The following IGSF22 variants were observed in gnomAD, a reference collection of about 807,000 sequenced individuals.
IGSF22 encodes immunoglobulin superfamily member 22, also known as immunoglobulin superfamily, member 22.
IGSF22 carries 119 observed loss-of-function variants against 127.0 expected under a neutral mutation model. That is an observed-to-expected ratio of 0.94 (90% CI 0.81 to 1.09). The LOEUF (loss-of-function observed/expected upper bound fraction) is 1.09, where lower values mean the gene tolerates loss of function less well. Ranked by LOEUF, IGSF22 falls within the 50% of genes least tolerant of loss-of-function variation. The probability of loss-of-function intolerance (pLI) is 0.00; values close to 1 mark genes in which losing one functional copy is unlikely to be tolerated. For missense variants in IGSF22, 1,518 were observed against 1,716.6 expected, an observed-to-expected ratio of 0.88 and a Z score of 2.04; for synonymous variants, 568 against 664.7, an observed-to-expected ratio of 0.85 and a Z score of 2.24.
chr11:18,711,983 G>T (rs1848365409), intron 15 of IGSF22, 99 bp downstream of exon 15: 1 of 1,006,580 alleles, frequency 9.9e-7, no homozygotes, highest in South Asian at 1.7e-5. Context: ...CCAGAGAGAT[G>T]TTCCTGTGGA....
intron 15 of IGSF22, 34 bp from the exon 16 acceptor site, chr11:18,710,862 G>A: frequency 6.3e-7 from 1 of 1,582,616 alleles, no homozygotes; most frequent in East Asian, 2.3e-5. Context: ...AAGGTTAGGA[G>A]GGGGAGCATG....
intron 1 of IGSF22, among the ~76,000 whole-genome samples, chr11:18,724,706 C>T (rs1307335073): frequency 1.3e-5 from 2 of 152,134 alleles, no homozygotes; most frequent in East Asian, 1.9e-4. Flanking sequence ...ATTCCTGGGC[C>T]CTGGGGACCC....
chr11:18,718,446 C>T (rs780722470), intron 8 of IGSF22, among the ~76,000 whole-genome samples, 169 bp downstream of exon 8: 4 of 152,144 alleles, frequency 2.6e-5, no homozygotes, highest in Non-Finnish European at 4.4e-5. Context: ...CATCACACAA[C>T]AAAGGGGTGA....
intron 14 of IGSF22, among the ~76,000 whole-genome samples, chr11:18,713,401 C>T (rs1012758745): frequency 6.6e-6 from 1 of 152,160 alleles, no homozygotes; most frequent in East Asian, 1.9e-4. Context: ...GATCCACCCG[C>T]CTTGGACCCC....
chr11:18,709,774 T>A lies in IGSF22; in HGVS notation c.2702-91A>T. ...CCACACTCAATACTCCTGAACCCCA[T>A]CCTTCACTACTTCTAGCTCCAGATC... On this transcript the variant is annotated intron_variant, in intron 17 of 22. Transcript: ENST00000513874. This position sits in a 1 kb window ranked among gnomAD's most constrained non-coding sequence, Gnocchi z 4.8. 1 of 1,301,686 alleles carries A rather than the reference T, an allele frequency of 7.7e-7. No homozygotes were observed. The highest frequency in any genetic ancestry group is 1.1e-6 in the Non-Finnish European group (1 of 945,154). The allele number at this position is 1,301,686 out of a possible 1,614,324, so 80.6% of individuals were successfully genotyped here. A position where few individuals can be genotyped will look rare whatever the true frequency, so the allele number is the denominator to read the frequency against.
In IGSF22 at chr11:18,710,175, G is replaced by T. The variant is rs557928673; in HGVS notation, c.2701+152C>A. On this transcript the variant is annotated intron_variant, in intron 17 of 22. Transcript: ENST00000513874. ...AATCTTTATTTGCTGGCTTTCTCTT[G>T]TGTGTGAATCTTGTCCCTCTATGAG... 7.0e-6 allele frequency: 7 copies of T among 1,006,348 alleles called. No individual in the cohort carries two copies. In the South Asian group the frequency reaches 1.1e-4, roughly 16 times the overall value. The allele number at this position is 1,006,348 out of a possible 1,614,324, so 62.3% of individuals were successfully genotyped here. A position where few individuals can be genotyped will look rare whatever the true frequency, so the allele number is the denominator to read the frequency against.
In IGSF22 at chr11:18,709,293, C is replaced by A. The variant is rs192432561; in HGVS notation, c.2998+94G>T. On this transcript the variant is annotated intron_variant, in intron 18 of 22. Coordinates refer to ENST00000513874, the MANE Select transcript of IGSF22 (RefSeq NM_173588.4). This position sits in a 1 kb window ranked among gnomAD's most constrained non-coding sequence, Gnocchi z 4.8. ...ATGGATGACTTTTTCATGATCCTAG[C>A]ATCATCCAATTTTCCTGTGGGATGA... The A allele has an allele frequency of 1.0e-3, 1,352 of 1,326,354 alleles. 2 individuals carry two copies. Among genetic ancestry groups the A allele is most frequent in the Non-Finnish European group, 1.3e-3 (1,218 of 953,496 alleles). 82.2% of individuals were successfully genotyped at this position (1,326,354 alleles called of 1,614,324 possible). A position where few individuals can be genotyped will look rare whatever the true frequency, so the allele number is the denominator to read the frequency against.
At chr11:18,717,097 C>A in intron 9 of IGSF22, 97 bp from the exon 10 acceptor site, 1 of 1,386,842 alleles carries the variant, frequency 7.2e-7, no homozygotes. Flanking sequence ...CTCCTGTAGC[C>A]CATGGCTGGG....
intron 22 of IGSF22, 193 bp downstream of exon 22, chr11:18,705,624 G>T: frequency 3.3e-6 from 2 of 601,390 alleles, no homozygotes; most frequent in Non-Finnish European, 5.9e-6. Context: ...ATGTCTGCAG[G>T]GGCCAGGCAT....
intron 11 of IGSF22, 73 bp from the exon 12 acceptor site, chr11:18,714,697 A>T: frequency 1.9e-6 from 3 of 1,579,788 alleles, no homozygotes; most frequent in South Asian, 2.3e-5. Context: ...AAGGGCTGGT[A>T]GCGATGGTCA....
intron 11 of IGSF22, among the ~76,000 whole-genome samples, chr11:18,714,910 C>T (rs1047092724): frequency 3.3e-5 from 5 of 151,870 alleles, no homozygotes; most frequent in African/African-American, 4.8e-5. Context: ...ATTAGTGGAG[C>T]GTGGTCAGCA....
chr11:18,721,500 T>C (rs753503247), intron 4 of IGSF22, 35 bp downstream of exon 4: 1 of 1,613,914 alleles, frequency 6.2e-7, no homozygotes, highest in South Asian at 1.1e-5. Flanking sequence ...GCCTCTGGCC[T>C]TCTCGGTAAC....
chr11:18,718,175 T>A, intron 8 of IGSF22, 82 bp from the exon 9 acceptor site: 1 of 1,342,856 alleles, frequency 7.4e-7, no homozygotes, highest in Non-Finnish European at 1.0e-6. Context: ...AGCGCCAGCC[T>A]AAGCTGGAGG....
intron 3 of IGSF22, 104 bp downstream of exon 3, chr11:18,721,806 T>C: frequency 1.9e-6 from 3 of 1,586,062 alleles, no homozygotes; most frequent in Non-Finnish European, 1.7e-6. Context: ...GGCCAGGCTC[T>C]GCCAGGGTTT....
chr11:18,704,584 C>T (rs760510327), intron 22 of IGSF22, 46 bp from the exon 23 acceptor site: 3 of 1,237,266 alleles, frequency 2.4e-6, no homozygotes, highest in African/African-American at 1.5e-5. Flanking sequence ...ATGCTGGCGA[C>T]CAGGGAAATT....
rs1848423928 is a variant in IGSF22, at chr11:18,714,547, G to A, written c.1609C>T (p.Leu537=). 1 of 1,614,192 alleles carries A rather than the reference G, an allele frequency of 6.2e-7. No individual in the cohort carries two copies. The highest frequency in any genetic ancestry group is 8.5e-7 in the Non-Finnish European group (1 of 1,180,046). ...TGSPAELCVV[L]NDEKVEGVWL... The stretch of plus-strand genomic sequence containing the variant: ...ACACCCTCCACCTTCTCGTCATTCA[G>A]CACTACACACAACTCAGCTGGGCTC... Residue 537 remains leucine, a synonymous_variant, in exon 12 of 23, where the codon CTG becomes TTG. Transcript: ENST00000513874.
At chr11:18,718,306 TATGC>T (rs2134166474) in intron 8 of IGSF22, among the ~76,000 whole-genome samples, 1 of 152,288 alleles carries the variant, frequency 6.6e-6, no homozygotes, top group South Asian at 2.1e-4. Context: ...GAGCTCTTAA[TATGC>T]ATGAGTTCAT....
At chr11:18,724,698 T>C (rs967870409) in intron 1 of IGSF22, among the ~76,000 whole-genome samples, 12 of 152,188 alleles carry the variant, frequency 7.9e-5, no homozygotes, top group African/African-American at 2.7e-4. Flanking sequence ...TGTCTCTTAT[T>C]CCTGGGCCCT....
Position 18,709,313 on chromosome 11 carries a change from G to T in IGSF22, c.2998+74C>A. ...CCTAGCATCATCCAATTTTCCTGTG[G>T]GATGAGGCCCCAGAGGAGAAGGTTT... On this transcript the variant is annotated intron_variant, in intron 18 of 22. Transcript: ENST00000513874. This position sits in a 1 kb window ranked among gnomAD's most constrained non-coding sequence, Gnocchi z 4.8. 6.9e-7 allele frequency: 1 copy of T among 1,455,680 alleles called. No individual in the cohort carries two copies. Among genetic ancestry groups the T allele is most frequent in the Non-Finnish European group, 9.4e-7 (1 of 1,063,670 alleles). The allele number at this position is 1,455,680 out of a possible 1,614,324, so 90.2% of individuals were successfully genotyped here. A position where few individuals can be genotyped will look rare whatever the true frequency, so the allele number is the denominator to read the frequency against.
Sources: gnomAD v4.1 joint callset for allele counts (sites outside exome capture counted in the v4.1 genomes callset) on GRCh38, gnomAD v4.1.1 for gene constraint, Gnocchi (gnomAD v3.1) non-coding constraint, MANE v1.5 for transcripts, NCBI Gene and HGNC (gene_info 2026-07-23, HGNC 2026-07-21) for gene names.